Variants in CNTNAP5 observed in about 807,000 individuals in gnomAD.
CNTNAP5 encodes contactin-associated protein-like 5.
In CNTNAP5, 72 loss-of-function variants were observed where a neutral mutation model predicts 150.2. That is an observed-to-expected ratio of 0.48 (90% CI 0.40 to 0.58). The LOEUF is 0.58. Ranked by LOEUF, CNTNAP5 falls within the 20% of genes least tolerant of loss-of-function variation. The pLI, the probability that CNTNAP5 is intolerant of heterozygous loss-of-function variation, is 0.00. For missense variants in CNTNAP5, 1,636 were observed against 1,626.2 expected, an observed-to-expected ratio of 1.01 and a Z score of -0.10; for synonymous variants, 672 against 619.8, an observed-to-expected ratio of 1.08 and a Z score of -1.25.
At chr2:124,126,935 A>G (rs1314489617) in intron 1 of CNTNAP5, among the ~76,000 whole-genome samples, 1 of 152,220 alleles carries the variant, frequency 6.6e-6, no homozygotes, top group Non-Finnish European at 1.5e-5. Flanking sequence ...TATTTATGAC[A>G]AACCCACAGC....
chr2:124,609,705 T>C, intron 11 of CNTNAP5, 96 bp from the exon 12 acceptor site: 1 of 1,346,556 alleles, frequency 7.4e-7, no homozygotes, highest in Non-Finnish European at 1.0e-6. Context: ...GGGAAATGAA[T>C]ACACATAGAG....
At chr2:124,662,058 G>T (rs1678604161) in intron 13 of CNTNAP5, among the ~76,000 whole-genome samples, 1 of 151,994 alleles carries the variant, frequency 6.6e-6, no homozygotes, top group African/African-American at 2.4e-5. Flanking sequence ...GTGTCCATGT[G>T]TTCTCATTGT....
At chr2:124,235,200 A>T (rs932073918) in intron 2 of CNTNAP5, among the ~76,000 whole-genome samples, 1 of 152,164 alleles carries the variant, frequency 6.6e-6, no homozygotes, top group Non-Finnish European at 1.5e-5. Flanking sequence ...CTTTGTATCA[A>T]TCTGACACTC....
chr2:124,660,943 CAAAAAAAAAAAA>C, intron 13 of CNTNAP5, among the ~76,000 whole-genome samples: 1 of 104,168 alleles, frequency 9.6e-6, no homozygotes, highest in East Asian at 3.7e-4. Context: ...GACTGGGTCT[CAAAAAAAAAAAA>C]AAAAAAAGAA....
intron 1 of CNTNAP5, among the ~76,000 whole-genome samples, chr2:124,206,378 G>T (rs896923015): frequency 6.6e-6 from 1 of 152,216 alleles, no homozygotes; most frequent in Admixed American, 6.5e-5. Context: ...TGCAGATATG[G>T]CTTACCTTGC....
At chr2:124,165,915 C>T (rs1329190207) in intron 1 of CNTNAP5, among the ~76,000 whole-genome samples, 1 of 152,144 alleles carries the variant, frequency 6.6e-6, no homozygotes, top group Non-Finnish European at 1.5e-5. Context: ...AAGGCATGTG[C>T]CATTCATTTA....
rs115359158 is a variant in CNTNAP5, at chr2:124,715,072, T to C, written c.2078-32157T>C. Among the ~76,000 whole-genome samples, 395 of 152,290 alleles carry C rather than the reference T, an allele frequency of 2.6e-3. 2 individuals are homozygous for C. Among genetic ancestry groups the C allele is most frequent in the African/African-American group, 8.8e-3 (367 of 41,574 alleles). ...TTGCAATAAGAGGCAAAAGTAATGC[T>C]ATTGCTTGGATCCCAGTAATGCGGA... On this transcript the variant is annotated intron_variant, in intron 13 of 23. Transcript: ENST00000682447.
intron 7 of CNTNAP5, among the ~76,000 whole-genome samples, chr2:124,502,156 G>A (rs1694292381): frequency 6.6e-6 from 1 of 152,140 alleles, no homozygotes; most frequent in Non-Finnish European, 1.5e-5. Flanking sequence ...ATCTCTGAAG[G>A]CATTTATTTA....
chr2:124,824,693 G>T (rs1039748579), intron 19 of CNTNAP5, among the ~76,000 whole-genome samples: 1 of 152,146 alleles, frequency 6.6e-6, no homozygotes, highest in Non-Finnish European at 1.5e-5. Flanking sequence ...GAGCCACTTT[G>T]CTCCCAGCTG....
chr2:124,300,560 A>G (rs1214040837), intron 3 of CNTNAP5, among the ~76,000 whole-genome samples: 1 of 152,218 alleles, frequency 6.6e-6, no homozygotes, highest in African/African-American at 2.4e-5. Flanking sequence ...GAGGAAGGTC[A>G]TCAGGTCTGC....
intron 12 of CNTNAP5, among the ~76,000 whole-genome samples, chr2:124,636,408 G>A (rs530187838): frequency 6.6e-6 from 1 of 152,062 alleles, no homozygotes; most frequent in African/African-American, 2.4e-5. Flanking sequence ...TGGTTTCTTG[G>A]TGTTTCTGGG....
At chr2:124,725,492 T>TTCCTC (rs1279240252) in intron 13 of CNTNAP5, among the ~76,000 whole-genome samples, 7 of 143,802 alleles carry the variant, frequency 4.9e-5, no homozygotes, top group African/African-American at 7.6e-5. Flanking sequence ...CCCCCTTCCT[T>TTCCTC]TCCTCTCCTC....
At chr2:124,809,933 T>G (rs1421102994) in intron 19 of CNTNAP5, among the ~76,000 whole-genome samples, 1 of 152,068 alleles carries the variant, frequency 6.6e-6, no homozygotes, top group Non-Finnish European at 1.5e-5. Flanking sequence ...ATCCTAAATC[T>G]CCTAAAGATA....
At chr2:124,820,445 C>G (rs901282405) in intron 19 of CNTNAP5, among the ~76,000 whole-genome samples, 1 of 151,278 alleles carries the variant, frequency 6.6e-6, no homozygotes, top group African/African-American at 2.4e-5. Context: ...TAATCCCTCT[C>G]CTCAGGTGAG....
intron 3 of CNTNAP5, among the ~76,000 whole-genome samples, chr2:124,298,568 A>G (rs937501455): frequency 2.6e-5 from 4 of 152,190 alleles, no homozygotes; most frequent in African/African-American, 7.2e-5. Context: ...CAGTAAATTT[A>G]CTTAATCTAA....
chr2:124,153,928 T>C (rs1183397308), intron 1 of CNTNAP5, among the ~76,000 whole-genome samples: 1 of 151,796 alleles, frequency 6.6e-6, no homozygotes, highest in Non-Finnish European at 1.5e-5. Context: ...GCTTTTTTTC[T>C]TTTTTTTAAT....
chr2:124,529,110 G>A (rs1023500746), intron 10 of CNTNAP5, among the ~76,000 whole-genome samples: 5 of 141,352 alleles, frequency 3.5e-5, no homozygotes, highest in Admixed American at 1.4e-4. Context: ...TAAAATATGT[G>A]CTTCATTAAA....
chr2:124,213,455 G>T (rs924782839), intron 1 of CNTNAP5, among the ~76,000 whole-genome samples: 5 of 152,164 alleles, frequency 3.3e-5, no homozygotes, highest in African/African-American at 1.2e-4. Context: ...GATAGAACTT[G>T]TGTCTTTCAT....
chr2:124,855,473 A>T (rs566857322), intron 19 of CNTNAP5, among the ~76,000 whole-genome samples: 1 of 151,924 alleles, frequency 6.6e-6, no homozygotes, highest in Non-Finnish European at 1.5e-5. Flanking sequence ...GTGCCCAGCC[A>T]CCTCGGAGTT....
Sources: allele counts gnomAD v4.1 joint callset (sites outside exome capture counted in the v4.1 genomes callset), GRCh38; gene constraint gnomAD v4.1.1; transcripts MANE v1.5; gene names NCBI Gene and HGNC (gene_info 2026-07-23, HGNC 2026-07-21).